The following SLC15A5 variants were observed in gnomAD, a reference collection of about 807,000 sequenced individuals.
The protein encoded by SLC15A5 is solute carrier family 15 member 5.
SLC15A5 carries 58 observed loss-of-function variants against 56.1 expected under a neutral mutation model. The observed-to-expected ratio is 1.03, with a 90% CI of 0.84 to 1.29. The LOEUF is 1.29. SLC15A5 is among the 50% of genes most tolerant of loss of function. The pLI, the probability that SLC15A5 is intolerant of heterozygous loss-of-function variation, is 0.00. For synonymous variants in SLC15A5, 264 were observed against 250.5 expected (o/e 1.05, Z -0.51); for missense variants, 681 against 672.1 (o/e 1.01, Z -0.15).
intron 2 of SLC15A5, among the ~76,000 whole-genome samples, chr12:16,263,773 G>C (rs1864665920): frequency 6.6e-6 from 1 of 152,174 alleles, no homozygotes; most frequent in Admixed American, 6.5e-5. Context: ...TACAGCTCAG[G>C]CTGCTGTTTC....
At chr12:16,273,591 T>C (rs1864785010) in intron 1 of SLC15A5, among the ~76,000 whole-genome samples, 1 of 152,070 alleles carries the variant, frequency 6.6e-6, no homozygotes, top group African/African-American at 2.4e-5. Flanking sequence ...GGAAAAACTT[T>C]GTGATGTGAG....
At chr12:16,194,323 A>T (rs1269614604) in intron 8 of SLC15A5, 22 bp downstream of exon 8, 2 of 1,476,474 alleles carry the variant, frequency 1.4e-6, no homozygotes, top group Admixed American at 4.1e-5. Context: ...GAAATTTTTC[A>T]TCTTACCACA....
intron 1 of SLC15A5, among the ~76,000 whole-genome samples, chr12:16,274,366 G>A (rs532825923): frequency 6.6e-6 from 1 of 152,040 alleles, no homozygotes; most frequent in South Asian, 2.1e-4. Context: ...GTGAAAAATG[G>A]CTCCTCCATG....
rs374324120 is a variant in SLC15A5 at position 16,216,868 on chromosome 12, A to G, written c.1483+25T>C. The G allele has an allele frequency of 2.0e-5, 30 of 1,529,154 alleles. No individual in the cohort carries two copies. In the African/African-American group the frequency reaches 3.8e-4, roughly 20 times the overall value. 94.7% of individuals were successfully genotyped at this position (1,529,154 alleles called of 1,614,324 possible). On this transcript the variant is annotated intron_variant, in intron 7 of 8. Transcript: ENST00000344941. ...CCCTAGTCATCAACTCAATGTATATAAGCATGCCACGAACCTATTTTTACC... is the reference window on the plus strand; with the variant it reads ...CCCTAGTCATCAACTCAATGTATATGAGCATGCCACGAACCTATTTTTACC...
At position 16,189,589 on chromosome 12, in the gene SLC15A5, C is replaced by G. The variant is rs1592103627; in HGVS notation, c.*79G>C. 1.6e-6 allele frequency: 2 copies of G among 1,284,170 alleles called. No homozygotes were observed. The highest frequency in any genetic ancestry group is 5.4e-5 in the East Asian group (2 of 37,254). 79.5% of individuals were successfully genotyped at this position (1,284,170 alleles called of 1,614,324 possible). A position where few individuals can be genotyped will look rare whatever the true frequency, so the allele number is the denominator to read the frequency against. ...ACCTCTGTATATATTGGCTTTTACA[C>G]TAAAACACATAAAATGCTCAACTGA... On this transcript the variant is annotated 3_prime_UTR_variant, in exon 9 of 9. Coordinates refer to ENST00000344941, the MANE Select transcript of SLC15A5 (RefSeq NM_001170798.1).
At chr12:16,244,250 G>A (rs1358665150) in intron 4 of SLC15A5, among the ~76,000 whole-genome samples, 1 of 152,094 alleles carries the variant, frequency 6.6e-6, no homozygotes, top group African/African-American at 2.4e-5. Flanking sequence ...TTGGCTAAAG[G>A]GAAGTTTGGT....
At chr12:16,254,727 G>C (rs1565671630) in intron 3 of SLC15A5, among the ~76,000 whole-genome samples, 2 of 152,072 alleles carry the variant, frequency 1.3e-5, no homozygotes, top group East Asian at 3.8e-4. Flanking sequence ...AAGACATTAT[G>C]TTAAGTGAAA....
intron 7 of SLC15A5, among the ~76,000 whole-genome samples, chr12:16,209,725 C>T (rs1864060744): frequency 6.6e-6 from 1 of 152,166 alleles, no homozygotes; most frequent in Non-Finnish European, 1.5e-5. Flanking sequence ...TTTCTCAAAA[C>T]CATTGCTAAG....
chr12:16,241,507 A>T (rs892630040), intron 4 of SLC15A5, among the ~76,000 whole-genome samples: 1 of 152,252 alleles, frequency 6.6e-6, no homozygotes, highest in African/African-American at 2.4e-5. Context: ...TCTGTAGACA[A>T]CGTGTCCTGG....
chr12:16,241,525 T>G (rs1178287910), intron 4 of SLC15A5, among the ~76,000 whole-genome samples: 2 of 152,240 alleles, frequency 1.3e-5, no homozygotes, highest in Non-Finnish European at 2.9e-5. Context: ...TGGTGATCAT[T>G]TATCTCCCAA....
intron 2 of SLC15A5, among the ~76,000 whole-genome samples, chr12:16,262,523 C>T (rs895305239): frequency 9.9e-5 from 15 of 152,164 alleles, no homozygotes; most frequent in African/African-American, 3.6e-4. Flanking sequence ...TAATGAAGAA[C>T]ATTAAATGAA....
intron 7 of SLC15A5, among the ~76,000 whole-genome samples, chr12:16,207,812 C>G (rs1050103085): frequency 6.6e-6 from 1 of 152,030 alleles, no homozygotes; most frequent in African/African-American, 2.4e-5. Flanking sequence ...CGCCACCACT[C>G]CCGGCTAATC....
chr12:16,215,218 A>AC (rs1565660417), intron 7 of SLC15A5, among the ~76,000 whole-genome samples: 1 of 144,858 alleles, frequency 6.9e-6, no homozygotes, highest in East Asian at 2.0e-4. Context: ...AAAAAAAAAA[A>AC]AAAAAAAAAA....
intron 5 of SLC15A5, among the ~76,000 whole-genome samples, chr12:16,229,688 TTAAA>T (rs549466343): frequency 6.8e-4 from 77 of 113,416 alleles, no homozygotes; most frequent in East Asian, 3.7e-3. Flanking sequence ...ACACACAATC[TTAAA>T]TAAATAAATG....
At chr12:16,193,707 G>A (rs1339998306) in intron 8 of SLC15A5, among the ~76,000 whole-genome samples, 1 of 150,766 alleles carries the variant, frequency 6.6e-6, no homozygotes, top group Admixed American at 6.7e-5. Flanking sequence ...TATTTTACAT[G>A]TGTAAAAACA....
intron 1 of SLC15A5, among the ~76,000 whole-genome samples, chr12:16,273,993 A>G (rs961247087): frequency 3.3e-5 from 5 of 150,818 alleles, no homozygotes; most frequent in Non-Finnish European, 7.4e-5. Context: ...ACTTAAATAA[A>G]TTGAGGTTAC....
At chr12:16,242,283 G>A (rs1404242281) in intron 4 of SLC15A5, among the ~76,000 whole-genome samples, 1 of 150,572 alleles carries the variant, frequency 6.6e-6, no homozygotes, top group African/African-American at 2.4e-5. Context: ...TGCCTCCCTG[G>A]TGAAGTATGA....
intron 2 of SLC15A5, 32 bp downstream of exon 2, chr12:16,272,529 G>A (rs1864770489): frequency 6.6e-7 from 1 of 1,522,032 alleles, no homozygotes; most frequent in Non-Finnish European, 8.8e-7. Context: ...ATGGTCATAA[G>A]CCTCTTTTCT....
chr12:16,260,495 T>A (rs907033848), intron 2 of SLC15A5, among the ~76,000 whole-genome samples: 4 of 151,918 alleles, frequency 2.6e-5, no homozygotes, highest in Non-Finnish European at 4.4e-5. Flanking sequence ...TTTTTTTTTT[T>A]ATTGGGTAGT....
Sources: gnomAD v4.1 joint callset for allele counts (sites outside exome capture counted in the v4.1 genomes callset) on GRCh38, gnomAD v4.1.1 for gene constraint, MANE v1.5 for transcripts, NCBI Gene and HGNC (gene_info 2026-07-23, HGNC 2026-07-21) for gene names.